LRIG1: variants seen among roughly 807,000 people sequenced by gnomAD.
The protein encoded by LRIG1 is leucine rich repeats and immunoglobulin like domains 1.
LRIG1 carries 48 observed loss-of-function variants against 99.2 expected under a neutral mutation model. The observed-to-expected ratio is 0.48, with a 90% CI of 0.38 to 0.62. The LOEUF (loss-of-function observed/expected upper bound fraction) is 0.62. Among genes scored for constraint, LRIG1 ranks in the 20% least tolerant of loss-of-function variants. The pLI, the probability that LRIG1 is intolerant of heterozygous loss-of-function variation, is 0.00. For missense variants in LRIG1, 1,646 were observed against 1,434.4 expected (o/e 1.15, Z -2.38); for synonymous variants, 772 against 596.1 (o/e 1.29, Z -4.30).
chr3:66,417,577 A>G (rs368135694), intron 3 of LRIG1: 94 of 336,546 alleles, frequency 2.8e-4, no homozygotes, highest in Non-Finnish European at 4.9e-4. Context: ...CCACGGATGC[A>G]CTCACCATAA....
chr3:66,400,061 C>T (rs901798243), intron 9 of LRIG1, among the ~76,000 whole-genome samples: 1 of 152,238 alleles, frequency 6.6e-6, no homozygotes, highest in Non-Finnish European at 1.5e-5. Context: ...CCAACGTTAT[C>T]GCTAGTGCCT....
intron 1 of LRIG1, among the ~76,000 whole-genome samples, chr3:66,494,522 G>C (rs1038474684): frequency 6.6e-6 from 1 of 152,158 alleles, no homozygotes; most frequent in Non-Finnish European, 1.5e-5. Flanking sequence ...GAAATGAAAA[G>C]TATAAAACCC....
At chr3:66,442,837 G>A (rs1418150450) in intron 3 of LRIG1, among the ~76,000 whole-genome samples, 1 of 152,168 alleles carries the variant, frequency 6.6e-6, no homozygotes, top group Non-Finnish European at 1.5e-5. Context: ...CTGTGACCAA[G>A]CTCCTATTCC....
intron 7 of LRIG1, among the ~76,000 whole-genome samples, chr3:66,409,197 A>C (rs888607712): frequency 7.2e-5 from 11 of 152,198 alleles, no homozygotes; most frequent in Non-Finnish European, 1.5e-4. Flanking sequence ...GAAGAAAAAA[A>C]CAAAACAAAA....
intron 3 of LRIG1, among the ~76,000 whole-genome samples, chr3:66,444,153 C>T (rs911693786): frequency 6.6e-6 from 1 of 152,180 alleles, no homozygotes; most frequent in Non-Finnish European, 1.5e-5. Flanking sequence ...GCAGAGCTGC[C>T]AGCACCCACC....
At position 66,379,033 on chromosome 3, in the gene LRIG1, T is replaced by G. The variant is rs1050304134; in HGVS notation, c.*1230A>C. 1 of 152,686 alleles carries G rather than the reference T, an allele frequency of 6.5e-6. No homozygotes were observed. Among genetic ancestry groups the G allele is most frequent in the African/African-American group, 2.4e-5 (1 of 41,468 alleles). 9.5% of individuals were successfully genotyped at this position (152,686 alleles called of 1,614,324 possible). A position where few individuals can be genotyped will look rare whatever the true frequency, so the allele number is the denominator to read the frequency against. On this transcript the variant is annotated 3_prime_UTR_variant, in exon 19 of 19. Coordinates refer to ENST00000273261, the MANE Select transcript of LRIG1 (RefSeq NM_015541.3). The stretch of plus-strand genomic sequence containing the variant: ...GAACAAAATTCTAAATGTGCTTACC[T>G]TTTGAACAGTGATGACACCTGACAG...
At chr3:66,416,019 G>A (rs1392443788) in intron 4 of LRIG1, among the ~76,000 whole-genome samples, 1 of 152,210 alleles carries the variant, frequency 6.6e-6, no homozygotes, top group Non-Finnish European at 1.5e-5. Context: ...CTTTGCAAAT[G>A]GGGCTGGACT....
rs1336674903 is a variant in LRIG1 at position 66,410,159 on chromosome 3, C to T, written c.905G>A (p.Gly302Asp). ...ATGCAGCTTCTGGCAGAAGCTCCAGCCCTTGCGGTGAATGCGAGCGATGGA... is the reference window on the plus strand; with the variant it reads ...ATGCAGCTTCTGGCAGAAGCTCCAGTCCTTGCGGTGAATGCGAGCGATGGA... ...NNSIARIHRK[G>D]WSFCQKLHEL... Residue 302 changes from glycine (G) to aspartate (D), a missense_variant, in exon 7 of 19, where the codon GGC becomes GAC. By Grantham distance (94) the Gly-to-Asp change is moderately conservative. Transcript: ENST00000273261. The T allele has an allele frequency of 4.3e-6, 7 of 1,613,824 alleles. No homozygotes were observed. The African/African-American group carries it at 8.0e-5, about 18-fold the overall frequency.
chr3:66,380,331 A>C lies in LRIG1; in HGVS notation c.3214T>G (p.Ser1072Ala). 2 of 1,614,044 alleles carry C rather than the reference A, an allele frequency of 1.2e-6. No homozygotes were observed. Among genetic ancestry groups the C allele is most frequent in the South Asian group, 1.1e-5 (1 of 91,062 alleles). ...GGGAGCTGTCCTGTCAGTGGCGTGG[A>C]CTCGGGACTGGCGTCACATGCTTTG... ...LPKACDASPE[S>A]TPLTGQLPGK... The change falls in exon 19 of 19, where the codon TCC becomes GCC. Residue 1072 changes from serine (S) to alanine (A), a missense_variant. Ser to Ala is a moderately conservative substitution (Grantham distance 99). Transcript: ENST00000273261.
chr3:66,485,644 C>T (rs1700955032), intron 1 of LRIG1, among the ~76,000 whole-genome samples: 1 of 152,058 alleles, frequency 6.6e-6, no homozygotes, highest in African/African-American at 2.4e-5. Flanking sequence ...TTTTGATCCC[C>T]AAGCATATAA....
chr3:66,449,272 G>A (rs1001815397), intron 3 of LRIG1, among the ~76,000 whole-genome samples: 1 of 152,132 alleles, frequency 6.6e-6, no homozygotes, highest in Admixed American at 6.5e-5. Context: ...ATCTAAGAAT[G>A]GGGAACACAG....
At chr3:66,426,771 T>C (rs917514101) in intron 3 of LRIG1, among the ~76,000 whole-genome samples, 1 of 152,192 alleles carries the variant, frequency 6.6e-6, no homozygotes, top group African/African-American at 2.4e-5. Context: ...CCTATATCCT[T>C]CCTCGTTTCA....
chr3:66,412,876 A>G lies in LRIG1; in HGVS notation c.786T>C (p.His262=). 6.2e-7 allele frequency: 1 copy of G among 1,614,092 alleles called. No individual in the cohort carries two copies. The highest frequency in any genetic ancestry group is 8.5e-7 in the Non-Finnish European group (1 of 1,179,986). ...GTAACCTGGTCCGCACTTACAGCACATGCATCTTGGACAGTCCCCAGAAGG... is the reference window on the plus strand; with the variant it reads ...GTAACCTGGTCCGCACTTACAGCACGTGCATCTTGGACAGTCCCCAGAAGG... ...DGAFWGLSKM[H]VLHLEYNSLV... Residue 262 remains histidine, a synonymous_variant, in exon 6 of 19, where the codon CAT becomes CAC. Coordinates refer to ENST00000273261, the MANE Select transcript of LRIG1 (RefSeq NM_015541.3).
chr3:66,380,900 G>A, intron 17 of LRIG1, 39 bp from the exon 18 acceptor site: 1 of 1,599,738 alleles, frequency 6.3e-7, no homozygotes, highest in Non-Finnish European at 8.5e-7. Flanking sequence ...AGTCACTGCT[G>A]TGGGAGTCTT....
At chr3:66,382,218 G>C (rs1329549885) in intron 16 of LRIG1, 55 bp downstream of exon 16, 1 of 1,605,262 alleles carries the variant, frequency 6.2e-7, no homozygotes, top group East Asian at 2.2e-5. Flanking sequence ...GCCACCTCCA[G>C]CACCCAGAGA....
rs1165001542 is a variant in LRIG1, at chr3:66,405,119, G to A, written c.1160+79C>T. On this transcript the variant is annotated intron_variant, in intron 9 of 18. Coordinates refer to ENST00000273261, the MANE Select transcript of LRIG1 (RefSeq NM_015541.3). Reference sequence around the variant, plus strand: ...GCCTGGGCCCAGAGCAGAGAGGCGCGGGGGGCGCCACAGAAACATCTCCCA... The same window carrying A: ...GCCTGGGCCCAGAGCAGAGAGGCGCAGGGGGCGCCACAGAAACATCTCCCA... 7.1e-6 allele frequency: 9 copies of A among 1,271,206 alleles called. No homozygotes were observed. In the East Asian group the frequency reaches 1.4e-4, roughly 20 times the overall value. 78.7% of individuals were successfully genotyped at this position (1,271,206 alleles called of 1,614,324 possible).
chr3:66,412,768 CGTTGGT>C, intron 6 of LRIG1, 97 bp downstream of exon 6: 4 of 1,353,496 alleles, frequency 3.0e-6, no homozygotes, highest in Non-Finnish European at 3.1e-6. Flanking sequence ...CACACAGCAA[CGTTGGT>C]GTTGGTGCGC....
At chr3:66,497,704 CAAAAAAAAAAAAA>C (rs71616223) in intron 1 of LRIG1, among the ~76,000 whole-genome samples, 3 of 89,266 alleles carry the variant, frequency 3.4e-5, no homozygotes, top group Non-Finnish European at 5.9e-5. Flanking sequence ...GCACTGTTTA[CAAAAAAAAAAAAA>C]AAAAAAAAAA....
At position 66,394,070 on chromosome 3, in the gene LRIG1, A is replaced by C; in HGVS notation, c.1438T>G (p.Phe480Val). 1 of 1,614,152 alleles carries C rather than the reference A, an allele frequency of 6.2e-7. No individual in the cohort carries two copies. The highest frequency in any genetic ancestry group is 8.5e-7 in the Non-Finnish European group (1 of 1,180,010). ...HPESLKGQSIFSVPPESFVCD... is the reference protein window; with the variant it reads ...HPESLKGQSIVSVPPESFVCD... Reference sequence around the variant, plus strand: ...ACGAAACTCTCTGGTGGCACAGAGAAAATGCTCTGACCCTTCAGTGATTCT... The same window carrying C: ...ACGAAACTCTCTGGTGGCACAGAGACAATGCTCTGACCCTTCAGTGATTCT... The change falls in exon 12 of 19, where the codon TTC becomes GTC. Residue 480 changes from phenylalanine to valine, a missense_variant. Coordinates refer to ENST00000273261, the MANE Select transcript of LRIG1 (RefSeq NM_015541.3).
Sources: allele counts gnomAD v4.1 joint callset (sites outside exome capture counted in the v4.1 genomes callset), GRCh38; gene constraint gnomAD v4.1.1; transcripts MANE v1.5; gene names NCBI Gene and HGNC (gene_info 2026-07-23, HGNC 2026-07-21).